The following AFP variants were observed in gnomAD, a reference collection of about 807,000 sequenced individuals.
AFP encodes the protein alpha fetoprotein, also known as alpha-fetoprotein.
AFP carries 64 observed loss-of-function variants against 78.9 expected under a neutral mutation model. That is an observed-to-expected ratio of 0.81 (90% confidence interval 0.66 to 1.00). The LOEUF (loss-of-function observed/expected upper bound fraction) is 1.00. Ranked by LOEUF, AFP falls within the 50% of genes least tolerant of loss-of-function variation. The pLI is 0.00. For missense variants in AFP, 689 were observed against 703.8 expected (o/e 0.98, Z 0.24); for synonymous variants, 254 against 243.8 (o/e 1.04, Z -0.39).
At position 73,436,290 on chromosome 4, in the gene AFP, A is replaced by G; in HGVS notation, c.28A>G (p.Ile10Val). The stretch of plus-strand genomic sequence containing the variant: ...GAAGTGGGTGGAATCAATTTTTTTA[A>G]TTTTCCTACTAAATTTTACTGAATC... MKWVESIFL[I>V]FLLNFTESRT... is the part of the protein sequence containing the mutation. The change falls in exon 1 of 15, where the codon ATT becomes GTT. Residue 10 changes from isoleucine (I) to valine (V), a missense_variant. Physicochemically the swap from Ile to Val is conservative, Grantham distance 29 (BLOSUM62 3). Transcript: ENST00000395792. 6.2e-7 allele frequency: 1 copy of G among 1,603,548 alleles called. No individual in the cohort carries two copies. The highest frequency in any genetic ancestry group is 8.5e-7 in the Non-Finnish European group (1 of 1,171,882).
intron 2 of AFP, 32 bp from the exon 3 acceptor site, chr4:73,438,142 T>A: frequency 6.2e-7 from 1 of 1,612,628 alleles, no homozygotes; most frequent in Non-Finnish European, 8.5e-7. Flanking sequence ...GCAGGTCTGT[T>A]CCTTAAGGAT....
intron 12 of AFP, chr4:73,453,528 C>G (rs1243336462): frequency 2.0e-6 from 1 of 492,840 alleles, no homozygotes; most frequent in Non-Finnish European, 3.7e-6. Flanking sequence ...TAAGTATGGT[C>G]AAGTATGAAA....
At position 73,452,613 on chromosome 4, in the gene AFP, A is replaced by G. The variant is rs4235117; in HGVS notation, c.1641A>G (p.Thr547=). 1 allele frequency: 1,606,186 copies of G among 1,611,926 alleles called. 800,413 individuals are homozygous for G. The highest frequency in any genetic ancestry group is 1 in the East Asian group (44,857 of 44,858). The part of the protein sequence containing the change: ...LCQAQGVALQ[T]MKQEFLINLV... ...AAGCTCAGGGTGTAGCGCTGCAAAC[A>G]ATGAAGCAAGAGTAAGAAACTGTTA... Residue 547 remains threonine, a synonymous_variant, in exon 12 of 15, where the codon ACA becomes ACG. Coordinates refer to ENST00000395792, the MANE Select transcript of AFP (RefSeq NM_001134.3).
chr4:73,437,672 A>G (rs989154649), intron 2 of AFP, among the ~76,000 whole-genome samples: 2 of 152,098 alleles, frequency 1.3e-5, no homozygotes, highest in Non-Finnish European at 2.9e-5. Context: ...AATTTCTAAC[A>G]AAGAATTTAA....
intron 10 of AFP, 29 bp downstream of exon 10, chr4:73,450,162 G>C (rs772617280): frequency 6.6e-7 from 1 of 1,516,740 alleles, no homozygotes; most frequent in East Asian, 2.3e-5. Flanking sequence ...TATTTTTAGT[G>C]AATTAAAATT....
rs192027466 is a variant in AFP at position 73,455,643 on chromosome 4, C to T, written c.*23C>T. On this transcript the variant is annotated 3_prime_UTR_variant, in exon 15 of 15. Coordinates refer to ENST00000395792, the MANE Select transcript of AFP (RefSeq NM_001134.3). ...GCTCATATTGCAGGGGAAGAGAAGACAAAACGAGTCTTTCATTCGGTGTGA... is the reference window on the plus strand; with the variant it reads ...GCTCATATTGCAGGGGAAGAGAAGATAAAACGAGTCTTTCATTCGGTGTGA... The T allele has an allele frequency of 1.4e-6, 1 of 695,452 alleles. No homozygotes were observed. Among genetic ancestry groups the T allele is most frequent in the Non-Finnish European group, 2.6e-6 (1 of 382,998 alleles). 43.1% of individuals were successfully genotyped at this position (695,452 alleles called of 1,614,324 possible).
chr4:73,446,055 G>A (rs923564224), intron 7 of AFP, among the ~76,000 whole-genome samples: 1 of 152,184 alleles, frequency 6.6e-6, no homozygotes, highest in African/African-American at 2.4e-5. Context: ...AAGATAAAAT[G>A]CTCATTTCAG....
At chr4:73,437,098 C>A in intron 1 of AFP, 62 bp from the exon 2 acceptor site, 2 of 1,236,234 alleles carry the variant, frequency 1.6e-6, no homozygotes, top group Non-Finnish European at 2.4e-6. Flanking sequence ...TCATATGTAA[C>A]AATGATTACT....
rs1382304189 is a variant in AFP at position 73,449,322 on chromosome 4, C to A, written c.1059-13C>A. The A allele has an allele frequency of 6.2e-7, 1 of 1,610,050 alleles. No individual in the cohort carries two copies. The highest frequency in any genetic ancestry group is 8.5e-7 in the Non-Finnish European group (1 of 1,177,288). ...TTCCAATAACTTGAAATATTTTTCTCCACATATTTCAGTTTTGTTCATGAA... is the reference window on the plus strand; with the variant it reads ...TTCCAATAACTTGAAATATTTTTCTACACATATTTCAGTTTTGTTCATGAA... On this transcript the variant is annotated splice_polypyrimidine_tract_variant and intron_variant, in intron 8 of 14. Coordinates refer to ENST00000395792, the MANE Select transcript of AFP (RefSeq NM_001134.3).
chr4:73,446,189 G>A (rs1035888520), intron 7 of AFP, among the ~76,000 whole-genome samples: 1 of 152,112 alleles, frequency 6.6e-6, no homozygotes, highest in Non-Finnish European at 1.5e-5. Flanking sequence ...CCTGGCAGGC[G>A]ACTGTACTAC....
At chr4:73,449,147 A>G (rs1479478018) in intron 8 of AFP, among the ~76,000 whole-genome samples, 188 bp from the exon 9 acceptor site, 1 of 152,216 alleles carries the variant, frequency 6.6e-6, no homozygotes, top group African/African-American at 2.4e-5. Flanking sequence ...TTACAGGACA[A>G]TTTGAAGGAT....
At chr4:73,455,609 T>C (rs1230897460) in intron 14 of AFP, 22 bp from the exon 15 acceptor site, 3 of 686,976 alleles carry the variant, frequency 4.4e-6, no homozygotes, top group East Asian at 2.7e-5. Context: ...TAGTATTTAA[T>C]ATATTTTTGC....
Position 73,449,374 on chromosome 4 carries a change from T to A in AFP, c.1098T>A (p.Ala366=), listed in dbSNP as rs771280920. ...HEYSRRHPQL[A]VSVILRVAKG... ...ATTCAAGAAGACATCCTCAGCTTGC[T>A]GTCTCAGTAATTCTAAGAGTTGCTA... Residue 366 remains alanine (A), a synonymous_variant, in exon 9 of 15, where the codon GCT becomes GCA. Coordinates refer to ENST00000395792, the MANE Select transcript of AFP (RefSeq NM_001134.3). 6.2e-7 allele frequency: 1 copy of A among 1,613,368 alleles called. No homozygotes were observed. The highest frequency in any genetic ancestry group is 1.3e-5 in the African/African-American group (1 of 74,920).
chr4:73,440,322 A>G (rs760311654), intron 3 of AFP, among the ~76,000 whole-genome samples: 49 of 152,226 alleles, frequency 3.2e-4, no homozygotes, highest in Non-Finnish European at 6.0e-4. Context: ...AATTTTTGAT[A>G]ACACAAAAAG....
At chr4:73,440,160 T>C (rs1719617751) in intron 3 of AFP, among the ~76,000 whole-genome samples, 1 of 152,146 alleles carries the variant, frequency 6.6e-6, no homozygotes, top group Admixed American at 6.6e-5. Context: ...ACCTGTTGCC[T>C]GGGTATTAAG....
chr4:73,451,476 T>C (rs1719990158), intron 11 of AFP, among the ~76,000 whole-genome samples: 1 of 152,166 alleles, frequency 6.6e-6, no homozygotes, highest in Admixed American at 6.6e-5. Flanking sequence ...TGTCATACAT[T>C]TTTTCCCCAA....
At position 73,441,410 on chromosome 4, in the gene AFP, C is replaced by CA. The variant is rs1311141615; in HGVS notation, c.482+605dup. 6.6e-5 allele frequency among the ~76,000 whole-genome samples: 10 copies of CA among 150,500 alleles called. No individual in the cohort carries two copies. The South Asian group carries it at 8.5e-4, about 13-fold the overall frequency. ...TGAAACCCCGTCTCTACTAAAAATA[C>CA]AAAAAAAATTAGCCGGGCGTGATGG... is the stretch of plus-strand genomic sequence containing the variant. On this transcript the variant is annotated intron_variant, in intron 4 of 14. Transcript: ENST00000395792.
At chr4:73,453,729 G>T in intron 12 of AFP, 36 bp from the exon 13 acceptor site, 1 of 1,608,958 alleles carries the variant, frequency 6.2e-7, no homozygotes, top group Non-Finnish European at 8.5e-7. Context: ...TTGCATAACA[G>T]ACTTCTCTTG....
At position 73,455,252 on chromosome 4, in the gene AFP, C is replaced by T. The variant is rs768997898; in HGVS notation, c.1802C>T (p.Ser601Leu). Residue 601 changes from serine (S) to leucine (L), a missense_variant, in exon 14 of 15, where the codon TCA becomes TTA. Coordinates refer to ENST00000395792, the MANE Select transcript of AFP (RefSeq NM_001134.3). Reference sequence around the variant, plus strand: ...AATTTTCAGGGACAAAAACTGATTTCAAAAACTCGTGCTGCTTTGGGAGTT... The same window carrying T: ...AATTTTCAGGGACAAAAACTGATTTTAAAAACTCGTGCTGCTTTGGGAGTT... ...CFAEEGQKLISKTRAALGV is the reference protein window; with the variant it reads ...CFAEEGQKLILKTRAALGV 4 of 1,612,388 alleles carry T rather than the reference C, an allele frequency of 2.5e-6. No individual in the cohort carries two copies. In the Admixed American group the frequency reaches 5.0e-5, roughly 20 times the overall value.
Sources: allele counts gnomAD v4.1 joint callset (sites outside exome capture counted in the v4.1 genomes callset), GRCh38; gene constraint gnomAD v4.1.1; transcripts MANE v1.5; gene names NCBI Gene and HGNC (gene_info 2026-07-23, HGNC 2026-07-21).